Variants in CAPN15 observed in about 807,000 individuals in gnomAD.
CAPN15 encodes calpain 15.
CAPN15 carries 53 observed loss-of-function variants against 97.9 expected under a neutral mutation model. That is an observed-to-expected ratio of 0.54 (90% CI 0.43 to 0.68). The LOEUF (loss-of-function observed/expected upper bound fraction) is 0.68, where lower values mean the gene tolerates loss of function less well. CAPN15 is among the 30% of genes least tolerant of loss of function. The pLI is 0.00. For missense variants in CAPN15, 1,592 were observed against 1,589.8 expected (o/e 1.00, Z -0.02); for synonymous variants, 922 against 722.5 (o/e 1.28, Z -4.43).
chr16:540,804 G>T (rs2034060511), intron 3 of CAPN15, among the ~76,000 whole-genome samples: 1 of 152,210 alleles, frequency 6.6e-6, no homozygotes, highest in Admixed American at 6.5e-5. Context: ...CCACGTGCTG[G>T]CTCCTCACAG....
Position 546,964 on chromosome 16 carries a change from C to A in CAPN15, c.126C>A (p.Ser42Arg). ...ACCTCAACCACATCCTGCGGCTCAG[C>A]GTGGAGGAGCAGAAATGGCCCTGCG... is the stretch of plus-strand genomic sequence containing the variant. ...KPDLNHILRL[S>R]VEEQKWPCAR... is the part of the protein sequence containing the mutation. The change falls in exon 4 of 14, where the codon AGC (serine) becomes AGA (arginine). Residue 42 changes from serine (S) to arginine (R), a missense_variant. Ser to Arg is a moderately radical substitution (Grantham distance 110). Coordinates refer to ENST00000219611, the MANE Select transcript of CAPN15 (RefSeq NM_005632.3). 6.2e-7 allele frequency: 1 copy of A among 1,610,350 alleles called. No individual in the cohort carries two copies.
chr16:551,906 G>A (rs2035110750), intron 9 of CAPN15, 145 bp from the exon 10 acceptor site: 2 of 1,015,840 alleles, frequency 2.0e-6, no homozygotes. Context: ...CCTCAGGGAT[G>A]GGCCCCCGGG....
At chr16:537,247 G>C (rs1445356565) in intron 3 of CAPN15, 18 of 985,414 alleles carry the variant, frequency 1.8e-5, no homozygotes, top group Non-Finnish European at 2.0e-5. Flanking sequence ...GCCTGAGACT[G>C]GCTCCAGCTC....
chr16:551,932 G>A, intron 9 of CAPN15, 119 bp from the exon 10 acceptor site: 1 of 1,176,656 alleles, frequency 8.5e-7, no homozygotes, highest in Non-Finnish European at 1.2e-6. Flanking sequence ...GGCTGCAAGA[G>A]GACGGTGACG....
rs766327397 is a variant in CAPN15, at chr16:552,393, G to A, written c.2600G>A (p.Arg867His). The A allele has an allele frequency of 2.6e-5, 41 of 1,606,198 alleles. No individual in the cohort carries two copies. Among genetic ancestry groups the A allele is most frequent in the African/African-American group, 8.0e-5 (6 of 74,860 alleles). ...AGCGGCGGCCACCTCAGCCTGGGCC[G>A]CCTCCTGGCCCACAGTAAGCGCGCG... Reference protein sequence around the residue: ...FGSGGHLSLGRLLAHSKRAVK... With the variant: ...FGSGGHLSLGHLLAHSKRAVK... The change falls in exon 11 of 14, where the codon CGC becomes CAC. Residue 867 changes from arginine (R) to histidine (H), a missense_variant. This residue lies in a region of CAPN15 where 644 missense variants were observed against 699.6 expected (regional missense o/e 0.92). Coordinates refer to ENST00000219611, the MANE Select transcript of CAPN15 (RefSeq NM_005632.3). This position sits in a 1 kb window ranked among gnomAD's most constrained non-coding sequence, Gnocchi z 6.4.
chr16:550,781 C>CT (rs1390413723), intron 7 of CAPN15, among the ~76,000 whole-genome samples: 2 of 72,068 alleles, frequency 2.8e-5, no homozygotes, highest in Admixed American at 1.5e-4. Context: ...GTGAGGGTCC[C>CT]GGTCGGTGAG....
rs770543958 is a variant in CAPN15, at chr16:552,604, G to A, written c.2738-1G>A. On this transcript the variant is annotated splice_acceptor_variant, in intron 11 of 13. Transcript: ENST00000219611. LOFTEE classifies it high-confidence loss of function. This position sits in a 1 kb window ranked among gnomAD's most constrained non-coding sequence, Gnocchi z 6.4. Reference sequence around the variant, plus strand: ...TGCGGTTCACACGCCCGTCCTTGTAGCCTCCAGCCCCTCGGCAGGGGTCCC... The same window carrying A: ...TGCGGTTCACACGCCCGTCCTTGTAACCTCCAGCCCCTCGGCAGGGGTCCC... The A allele has an allele frequency of 6.5e-7, 1 of 1,541,226 alleles. No individual in the cohort carries two copies. Among genetic ancestry groups the A allele is most frequent in the Non-Finnish European group, 8.7e-7 (1 of 1,146,068 alleles).
chr16:549,372 C>T lies in CAPN15; in HGVS notation c.1743C>T (p.Gly581=), dbSNP rs754078267. The T allele has an allele frequency of 7.5e-6, 12 of 1,597,850 alleles. No homozygotes were observed. In the Admixed American group the frequency reaches 8.4e-5, roughly 11 times the overall value. The change falls in exon 6 of 14, where the codon GGC becomes GGT. Residue 581 remains glycine (G), a synonymous_variant. Coordinates refer to ENST00000219611, the MANE Select transcript of CAPN15 (RefSeq NM_005632.3). The stretch of plus-strand genomic sequence containing the variant: ...TCACGCGCAGCCTGTGTGCAGAGGG[C>T]GCCTACCAGGTGCGGCTGTGCAAGG... ...VMVTRSLCAE[G]AYQVRLCKDG...
At position 552,494 on chromosome 16, in the gene CAPN15, TG is replaced by T; in HGVS notation, c.2706del (p.Pro903ArgfsTer71). The T allele has an allele frequency of 1.2e-6, 2 of 1,606,970 alleles. No homozygotes were observed. On this transcript the variant is annotated frameshift_variant, in exon 11 of 14. Coordinates refer to ENST00000219611, the MANE Select transcript of CAPN15 (RefSeq NM_005632.3). LOFTEE classifies it high-confidence loss of function. This position sits in a 1 kb window ranked among gnomAD's most constrained non-coding sequence, Gnocchi z 6.4. ...TGTGGTGTGCTGCGCCTTCAACCAC[TG>T]GGGGCCGCCCCTGCCGGGCACCCCT... The part of the protein sequence containing the change: ...YAVVCCAFNH[W>X]GPPLPGTPAP...
At chr16:541,532 T>G (rs908446842) in intron 3 of CAPN15, among the ~76,000 whole-genome samples, 3 of 152,208 alleles carry the variant, frequency 2.0e-5, no homozygotes, top group African/African-American at 4.8e-5. Context: ...CCGGAGCGCC[T>G]CCCAGTTCCT....
rs376548766 is a variant in CAPN15, at chr16:552,310, C to T, written c.2517C>T (p.Asp839=). Residue 839 remains aspartate (D), a synonymous_variant, in exon 11 of 14, where the codon GAC becomes GAT. Transcript: ENST00000219611. This position sits in a 1 kb window ranked among gnomAD's most constrained non-coding sequence, Gnocchi z 6.4. ...GTGGTGTCTGGCGCAGGCGCTCGGA[C>T]GCCGTGGACAGCCACCTGCTGGACC... ...ALFQEGSRRS[D]AVDSHLLDLC... The T allele has an allele frequency of 8.5e-4, 1,326 of 1,561,286 alleles. 1 individual carries two copies. Among genetic ancestry groups the T allele is most frequent in the Non-Finnish European group, 1.0e-3 (1,173 of 1,158,390 alleles).
chr16:530,235 G>A (rs1345877115), intron 1 of CAPN15, among the ~76,000 whole-genome samples: 3 of 152,228 alleles, frequency 2.0e-5, no homozygotes, highest in African/African-American at 7.2e-5. Flanking sequence ...CTTACACTTG[G>A]GACCGCCCTG....
chr16:542,965 C>G (rs60116146), intron 3 of CAPN15, among the ~76,000 whole-genome samples: 1 of 151,276 alleles, frequency 6.6e-6, no homozygotes, highest in Non-Finnish European at 1.5e-5. Context: ...GCAGGAGAAT[C>G]GCTTGAACTT....
At chr16:551,719 CCTT>C in intron 9 of CAPN15, 55 bp downstream of exon 9, 4 of 1,573,146 alleles carry the variant, frequency 2.5e-6, no homozygotes, top group African/African-American at 1.3e-5. Context: ...AGGGCCGAGT[CCTT>C]CTCTGGAGAA....
At position 551,432 on chromosome 16, in the gene CAPN15, G is replaced by A. The variant is rs780470465; in HGVS notation, c.2192+5G>A. ...CCGAGATGTCCAGGGCACCAGGTAG[G>A]GCCGGCCTGGCTGAGGGTGGGTGGG... is the stretch of plus-strand genomic sequence containing the variant. On this transcript the variant is annotated splice_donor_5th_base_variant and intron_variant, in intron 8 of 13. Transcript: ENST00000219611. 1.2e-6 allele frequency: 2 copies of A among 1,604,318 alleles called. No individual in the cohort carries two copies. The highest frequency in any genetic ancestry group is 2.2e-5 in the South Asian group (2 of 90,698).
chr16:550,401 C>G lies in CAPN15; in HGVS notation c.2066+563C>G, dbSNP rs553940314. On this transcript the variant is annotated intron_variant, in intron 7 of 13. Transcript: ENST00000219611. ...AGGCCTGCCACCCCTGACTCAGGCC[C>G]TGTGCGCTTCAGGCATGGTGGAGGG... 2.6e-5 allele frequency among the ~76,000 whole-genome samples: 4 copies of G among 152,368 alleles called. No individual in the cohort carries two copies. In the South Asian group the frequency reaches 8.3e-4, roughly 32 times the overall value.
rs370310305 is a variant in CAPN15 at position 547,810 on chromosome 16, G to A, written c.972G>A (p.Leu324=). 6.2e-7 allele frequency: 1 copy of A among 1,612,032 alleles called. No individual in the cohort carries two copies. The highest frequency in any genetic ancestry group is 8.5e-7 in the Non-Finnish European group (1 of 1,179,674). Residue 324 remains leucine, a synonymous_variant, in exon 4 of 14, where the codon CTG becomes CTA. Transcript: ENST00000219611. The stretch of plus-strand genomic sequence containing the variant: ...CCTCGGGCAGTGACATCATTGACCT[G>A]GCCGGAGACACCGTGCGTTACACGC... The part of the protein sequence containing the change: ...SSTSGSDIID[L]AGDTVRYTPA...
In CAPN15 at chr16:541,060, A is replaced by G. The variant is rs529766981; in HGVS notation, c.-23+4918A>G. The stretch of plus-strand genomic sequence containing the variant: ...GGTCCAGGCCTGGCTTCTGAAGGCA[A>G]TGTGCCTGCGTCTCACACTCAAAAG... On this transcript the variant is annotated intron_variant, in intron 3 of 13. Coordinates refer to ENST00000219611, the MANE Select transcript of CAPN15 (RefSeq NM_005632.3). 3.8e-3 allele frequency among the ~76,000 whole-genome samples: 576 copies of G among 152,314 alleles called. 2 individuals are homozygous for G. Among genetic ancestry groups the G allele is most frequent in the Non-Finnish European group, 6.0e-3 (407 of 68,008 alleles).
chr16:551,138 C>CG (rs1350716849), intron 7 of CAPN15, among the ~76,000 whole-genome samples, 164 bp from the exon 8 acceptor site: 2 of 42,832 alleles, frequency 4.7e-5, no homozygotes, highest in Middle Eastern at 0.018. Context: ...TTGGTGAGGG[C>CG]CCCGGTCGGT....
Sources: allele counts gnomAD v4.1 joint callset (sites outside exome capture counted in the v4.1 genomes callset), GRCh38; gene constraint gnomAD v4.1.1; regional missense constraint gnomAD v4.1.1; non-coding constraint Gnocchi (gnomAD v3.1); transcripts MANE v1.5; gene names NCBI Gene and HGNC (gene_info 2026-07-23, HGNC 2026-07-21).